Variants in MAST4 observed in about 807,000 individuals in gnomAD.
MAST4 encodes microtubule-associated serine/threonine-protein kinase 4.
Under a neutral mutation model 162.7 loss-of-function variants are expected in MAST4, and 89 were observed. The ratio of observed to expected loss-of-function variants is 0.55; its 90% CI spans 0.46 to 0.65. The LOEUF (loss-of-function observed/expected upper bound fraction) is 0.65, where lower values mean the gene tolerates loss of function less well. MAST4 is among the 30% of genes least tolerant of loss of function. The pLI is 0.00. For synonymous variants in MAST4, 1,479 were observed against 1,361.1 expected, an observed-to-expected ratio of 1.09 and a Z score of -1.91; for missense variants, 3,153 against 3,374.0, an observed-to-expected ratio of 0.93 and a Z score of 1.62.
At chr5:66,899,927 A>G in intron 3 of MAST4, 24 bp from the exon 4 acceptor site, 1 of 1,506,092 alleles carries the variant, frequency 6.6e-7, no homozygotes, top group Non-Finnish European at 8.9e-7. Flanking sequence ...CATTGCTTAT[A>G]TATGGTTTTT....
chr5:66,642,559 A>G (rs923603632), intron 1 of MAST4, among the ~76,000 whole-genome samples: 5 of 152,176 alleles, frequency 3.3e-5, no homozygotes, highest in African/African-American at 1.2e-4. Context: ...GAAACTTGAT[A>G]TGATGTCTGG....
At chr5:66,678,441 G>T (rs1168362211) in intron 1 of MAST4, among the ~76,000 whole-genome samples, 1 of 151,902 alleles carries the variant, frequency 6.6e-6, no homozygotes, top group Non-Finnish European at 1.5e-5. Flanking sequence ...AGTGTGTGAG[G>T]CAAGTATGTT....
At chr5:66,630,344 A>C (rs527843752) in intron 1 of MAST4, among the ~76,000 whole-genome samples, 8 of 152,258 alleles carry the variant, frequency 5.3e-5, no homozygotes, top group African/African-American at 1.7e-4. Context: ...TCAACTCCGC[A>C]TCCTGTTTTC....
intron 3 of MAST4, among the ~76,000 whole-genome samples, chr5:66,830,664 T>G (rs1757537576): frequency 6.6e-6 from 1 of 152,294 alleles, no homozygotes; most frequent in Admixed American, 6.5e-5. Context: ...ACAAAACCTA[T>G]TTTGCTTTTA....
chr5:67,028,846 C>T (rs892339023), intron 4 of MAST4, among the ~76,000 whole-genome samples: 1 of 151,992 alleles, frequency 6.6e-6, no homozygotes, highest in African/African-American at 2.4e-5. Context: ...GAGTCATCCA[C>T]CGCCGGGCAT....
intron 1 of MAST4, among the ~76,000 whole-genome samples, chr5:66,729,311 G>A (rs1751701709): frequency 1.3e-5 from 2 of 152,010 alleles, no homozygotes; most frequent in Admixed American, 1.3e-4. Flanking sequence ...AGGTATTGGG[G>A]GTATATGTGT....
intron 1 of MAST4, among the ~76,000 whole-genome samples, chr5:66,742,835 G>A (rs1752549015): frequency 6.6e-6 from 1 of 152,150 alleles, no homozygotes; most frequent in African/African-American, 2.4e-5. Flanking sequence ...GGAAGTTTGA[G>A]GAATGGTTGG....
At chr5:66,850,528 T>C (rs1759228197) in intron 3 of MAST4, among the ~76,000 whole-genome samples, 1 of 152,188 alleles carries the variant, frequency 6.6e-6, no homozygotes, top group Non-Finnish European at 1.5e-5. Flanking sequence ...AACATGATGC[T>C]ACAAGTGGAA....
intron 3 of MAST4, among the ~76,000 whole-genome samples, chr5:66,875,599 T>C (rs1761240845): frequency 1.3e-5 from 2 of 152,216 alleles, no homozygotes; most frequent in Admixed American, 1.3e-4. Context: ...ACTTAATGAG[T>C]ACCAAATTAT....
intron 2 of MAST4, among the ~76,000 whole-genome samples, chr5:66,783,751 C>T (rs1030445378): frequency 6.6e-5 from 10 of 152,064 alleles, no homozygotes; most frequent in African/African-American, 2.4e-4. Flanking sequence ...CATGCTTGTT[C>T]TCAGTGGTCT....
chr5:66,762,679 T>TA (rs1325021413), intron 2 of MAST4, among the ~76,000 whole-genome samples: 14 of 152,370 alleles, frequency 9.2e-5, no homozygotes, highest in Middle Eastern at 3.4e-3. Context: ...TTGCTAAACT[T>TA]AAAATAAGTC....
chr5:66,747,971 G>A (rs550468578), intron 1 of MAST4, among the ~76,000 whole-genome samples: 1 of 152,292 alleles, frequency 6.6e-6, no homozygotes, highest in South Asian at 2.1e-4. Flanking sequence ...ACCAAGGTTA[G>A]CACAGCAGAT....
At chr5:66,873,697 A>C (rs1323493479) in intron 3 of MAST4, among the ~76,000 whole-genome samples, 1 of 152,190 alleles carries the variant, frequency 6.6e-6, no homozygotes, top group Non-Finnish European at 1.5e-5. Flanking sequence ...CTATGAGGAG[A>C]GTATAAGAAA....
intron 4 of MAST4, among the ~76,000 whole-genome samples, chr5:66,997,401 GATACCTAATTA>G (rs1750774295): frequency 1.3e-5 from 2 of 149,436 alleles, no homozygotes; most frequent in South Asian, 2.1e-4. Flanking sequence ...CAGGTAAATT[GATACCTAATTA>G]ATGTGTTTTT....
At chr5:67,145,402 T>C in intron 23 of MAST4, 23 bp downstream of exon 23, 1 of 1,598,824 alleles carries the variant, frequency 6.3e-7, no homozygotes, top group Admixed American at 1.7e-5. Context: ...CCATAGTGCC[T>C]GCTGTCCTCC....
rs546308530 is a variant in MAST4, at chr5:66,934,438, G to A, written c.674+34456G>A. Among the ~76,000 whole-genome samples, 119 of 152,154 alleles carry A rather than the reference G, an allele frequency of 7.8e-4. 4 individuals are homozygous for A. In the South Asian group the frequency reaches 0.025, roughly 31 times the overall value. The stretch of plus-strand genomic sequence containing the variant: ...TAATATTTAGCCAGCTTGATTATTA[G>A]CACATATGAAACATGGCACTGAAAT... On this transcript the variant is annotated intron_variant, in intron 4 of 28. Transcript: ENST00000403625.
chr5:66,682,368 C>T (rs114646891), intron 1 of MAST4, among the ~76,000 whole-genome samples: 138 of 152,298 alleles, frequency 9.1e-4, no homozygotes, highest in Non-Finnish European at 1.7e-3. Context: ...TGTGAGGAAT[C>T]GCCTAGACGT....
intron 4 of MAST4, among the ~76,000 whole-genome samples, chr5:66,912,411 C>T (rs13180115): frequency 0.033 from 4,998 of 152,196 alleles, 150 homozygotes; most frequent in African/African-American, 0.076. Context: ...GAAGGTTTTT[C>T]TTATGTCTAG....
intron 3 of MAST4, among the ~76,000 whole-genome samples, chr5:66,825,822 C>T (rs1757226832): frequency 6.6e-6 from 1 of 151,862 alleles, no homozygotes. Context: ...ACAAAGCCTA[C>T]CAGATTTTAT....
Sources: gnomAD v4.1 joint callset for allele counts (sites outside exome capture counted in the v4.1 genomes callset) on GRCh38, gnomAD v4.1.1 for gene constraint, MANE v1.5 for transcripts, NCBI Gene and HGNC (gene_info 2026-07-23, HGNC 2026-07-21) for gene names.